DR1: variants seen among roughly 807,000 people sequenced by gnomAD.
The protein encoded by DR1 is protein Dr1.
Under a neutral mutation model 19.9 loss-of-function variants are expected in DR1, and 7 were observed. That is an observed-to-expected ratio of 0.35 (90% confidence interval 0.20 to 0.66). The LOEUF (loss-of-function observed/expected upper bound fraction) is 0.66. DR1 is among the 30% of genes least tolerant of loss of function. The pLI, the probability that DR1 is intolerant of heterozygous loss-of-function variation, is 0.66. For missense variants in DR1, 98 were observed against 203.7 expected (o/e 0.48, Z 3.16); for synonymous variants, 76 against 72.5 (o/e 1.05, Z -0.24).
At chr1:93,357,220 C>A (rs375489931) in intron 2 of DR1, among the ~76,000 whole-genome samples, 72 of 152,218 alleles carry the variant, frequency 4.7e-4, no homozygotes, top group South Asian at 2.3e-3. Context: ...TAAAAGTTGT[C>A]TTATCCTTGT....
chr1:93,350,945 A>G (rs771200060), intron 1 of DR1, among the ~76,000 whole-genome samples: 1 of 152,244 alleles, frequency 6.6e-6, no homozygotes, highest in Non-Finnish European at 1.5e-5. Flanking sequence ...TCTGCCAGAA[A>G]AAGTATCACA....
In DR1 at chr1:93,362,931, C is replaced by T. The variant is rs753738111; in HGVS notation, c.*2292C>T. The T allele has an allele frequency of 4.4e-5, 6 of 137,862 alleles. No individual in the cohort carries two copies. The highest frequency in any genetic ancestry group is 6.1e-5 in the Non-Finnish European group (4 of 65,802). 8.5% of individuals were successfully genotyped at this position (137,862 alleles called of 1,614,324 possible). On this transcript the variant is annotated 3_prime_UTR_variant, in exon 3 of 3. Transcript: ENST00000370272. Reference sequence around the variant, plus strand: ...TTGAAGAGAGAAACAAAATCTTCAGCGTTCTTGAGAAATAAAATTATTGTT... The same window carrying T: ...TTGAAGAGAGAAACAAAATCTTCAGTGTTCTTGAGAAATAAAATTATTGTT...
intron 2 of DR1, 27 bp from the exon 3 acceptor site, chr1:93,360,466 A>T (rs751455493): frequency 1.3e-6 from 2 of 1,520,674 alleles, no homozygotes; most frequent in Middle Eastern, 1.7e-4. Context: ...AAAAATTGTT[A>T]TTTTTTTTTA....
Position 93,346,371 on chromosome 1 carries a change from C to T in DR1, c.-275C>T. The T allele has an allele frequency of 1.1e-5, 5 of 454,900 alleles. No homozygotes were observed. Among genetic ancestry groups the T allele is most frequent in the Non-Finnish European group, 2.0e-5 (5 of 247,686 alleles). The allele number at this position is 454,900 out of a possible 1,614,324, so 28.2% of individuals were successfully genotyped here. A position where few individuals can be genotyped will look rare whatever the true frequency, so the allele number is the denominator to read the frequency against. On this transcript the variant is annotated 5_prime_UTR_variant, in exon 1 of 3. Coordinates refer to ENST00000370272, the MANE Select transcript of DR1 (RefSeq NM_001938.3). ...GGTGGTTCCCCAGCCGCTCAAATTTCCGGACCACCGCGCTTTCCCCTCCTC... is the reference window on the plus strand; with the variant it reads ...GGTGGTTCCCCAGCCGCTCAAATTTTCGGACCACCGCGCTTTCCCCTCCTC...
At chr1:93,359,238 T>C (rs915344164) in intron 2 of DR1, among the ~76,000 whole-genome samples, 1 of 152,214 alleles carries the variant, frequency 6.6e-6, no homozygotes, top group Non-Finnish European at 1.5e-5. Flanking sequence ...GAGTGAGGAT[T>C]GTACATGGTA....
rs1371700070 is a variant in DR1 at position 93,361,966 on chromosome 1, C to T, written c.*1327C>T. 1 of 152,468 alleles carries T rather than the reference C, an allele frequency of 6.6e-6. No individual in the cohort carries two copies. Among genetic ancestry groups the T allele is most frequent in the Non-Finnish European group, 1.5e-5 (1 of 67,918 alleles). The allele number at this position is 152,468 out of a possible 1,614,324, so 9.4% of individuals were successfully genotyped here. On this transcript the variant is annotated 3_prime_UTR_variant, in exon 3 of 3. Transcript: ENST00000370272. ...TATTTTGGAAACAGAAAGGAAAAGTCACTTAAGATAGTATTAAGTAATTAA... is the reference window on the plus strand; with the variant it reads ...TATTTTGGAAACAGAAAGGAAAAGTTACTTAAGATAGTATTAAGTAATTAA...
intron 2 of DR1, among the ~76,000 whole-genome samples, chr1:93,358,468 C>T (rs975806539): frequency 5.9e-5 from 9 of 152,244 alleles, no homozygotes; most frequent in African/African-American, 2.2e-4. Context: ...AGACTGAACG[C>T]GGTTTGCATT....
chr1:93,363,269 T>C lies in DR1; in HGVS notation c.*2630T>C, dbSNP rs189637185. The C allele has an allele frequency of 6.6e-6, 1 of 152,226 alleles. No homozygotes were observed. Among genetic ancestry groups the C allele is most frequent in the Non-Finnish European group, 1.5e-5 (1 of 68,040 alleles). 9.4% of individuals were successfully genotyped at this position (152,226 alleles called of 1,614,324 possible). ...AGTTTTGCCTGTTTTTTATTTTATG[T>C]AAATGTAATCATACATAATACACTT... is the stretch of plus-strand genomic sequence containing the variant. On this transcript the variant is annotated 3_prime_UTR_variant, in exon 3 of 3. Transcript: ENST00000370272.
At position 93,353,757 on chromosome 1, in the gene DR1, T is replaced by C. The variant is rs180679741; in HGVS notation, c.221-151T>C. ...TATTTGTCTTGGCTGCCCAGACAGT[T>C]GTTGTACAACTATAAAATAGGTAAA... On this transcript the variant is annotated intron_variant, in intron 1 of 2. Transcript: ENST00000370272. 5.1e-3 allele frequency: 2,720 copies of C among 532,878 alleles called. 17 individuals are homozygous for C. Among genetic ancestry groups the C allele is most frequent in the Middle Eastern group, 0.03 (56 of 1,844 alleles). The allele number at this position is 532,878 out of a possible 1,614,324, so 33.0% of individuals were successfully genotyped here. A position where few individuals can be genotyped will look rare whatever the true frequency, so the allele number is the denominator to read the frequency against.
At chr1:93,357,877 A>G (rs1334961492) in intron 2 of DR1, among the ~76,000 whole-genome samples, 2 of 152,200 alleles carry the variant, frequency 1.3e-5, no homozygotes, top group South Asian at 2.1e-4. Flanking sequence ...TATGTAAGAC[A>G]TATGTGGTAC....
intron 2 of DR1, among the ~76,000 whole-genome samples, chr1:93,357,071 T>C (rs1316161287): frequency 6.6e-6 from 1 of 152,198 alleles, no homozygotes; most frequent in African/African-American, 2.4e-5. Flanking sequence ...ACTCTGGATA[T>C]TCCTGCCGTA....
intron 2 of DR1, among the ~76,000 whole-genome samples, chr1:93,356,746 G>A (rs140343368): frequency 0.015 from 2,275 of 148,592 alleles, 30 homozygotes; most frequent in Non-Finnish European, 0.024. Flanking sequence ...TTTTGAGATG[G>A]AGTCTTGCTC....
intron 2 of DR1, among the ~76,000 whole-genome samples, chr1:93,358,052 T>A (rs1667011528): frequency 1.3e-5 from 2 of 152,122 alleles, no homozygotes; most frequent in Admixed American, 1.3e-4. Context: ...GGTGGGAGAA[T>A]CACTTGAGCC....
chr1:93,358,602 T>C, intron 2 of DR1, among the ~76,000 whole-genome samples: 1 of 152,214 alleles, frequency 6.6e-6, no homozygotes, highest in Admixed American at 6.5e-5. Context: ...ATGCCCATTC[T>C]TCCGAGGCCT....
intron 2 of DR1, among the ~76,000 whole-genome samples, chr1:93,358,928 A>G (rs1437617451): frequency 6.6e-6 from 1 of 152,220 alleles, no homozygotes; most frequent in East Asian, 1.9e-4. Context: ...AGTAAGTGGC[A>G]GGAAATTTCA....
rs1667180747 is a variant in DR1 at position 93,367,453 on chromosome 1, TGGGTAGCTG to T, written c.*6816_*6824del. 6.6e-6 allele frequency: 1 copy of T among 152,190 alleles called. No homozygotes were observed. The highest frequency in any genetic ancestry group is 1.5e-5 in the Non-Finnish European group (1 of 68,032). The allele number at this position is 152,190 out of a possible 1,614,324, so 9.4% of individuals were successfully genotyped here. ...ACCTGCTTATTTCAGTTCAGTGTCT[TGGGTAGCTG>T]GAGCCTATCCCAGCAGCTCAGGGAG... On this transcript the variant is annotated 3_prime_UTR_variant, in exon 3 of 3. Coordinates refer to ENST00000370272, the MANE Select transcript of DR1 (RefSeq NM_001938.3).
intron 1 of DR1, among the ~76,000 whole-genome samples, chr1:93,352,230 G>A (rs1666920979): frequency 6.6e-6 from 1 of 152,098 alleles, no homozygotes; most frequent in South Asian, 2.1e-4. Flanking sequence ...CCACCACGCC[G>A]GCCAATTTTT....
At chr1:93,356,463 G>A (rs577746921) in intron 2 of DR1, among the ~76,000 whole-genome samples, 3 of 152,100 alleles carry the variant, frequency 2.0e-5, no homozygotes, top group Admixed American at 6.5e-5. Context: ...AAGTATCAGC[G>A]CTGATACAGG....
At position 93,346,417 on chromosome 1, in the gene DR1, T is replaced by C; in HGVS notation, c.-229T>C. 2 of 557,538 alleles carry C rather than the reference T, an allele frequency of 3.6e-6. No individual in the cohort carries two copies. The highest frequency in any genetic ancestry group is 6.4e-6 in the Non-Finnish European group (2 of 311,204). The allele number at this position is 557,538 out of a possible 1,614,324, so 34.5% of individuals were successfully genotyped here. A position where few individuals can be genotyped will look rare whatever the true frequency, so the allele number is the denominator to read the frequency against. ...TCCTCAGCCTGGGCTGTGCTCTCTC[T>C]AGAATCCTCGGGCCCCCACTTTCTT... On this transcript the variant is annotated 5_prime_UTR_variant, in exon 1 of 3. Transcript: ENST00000370272.
Sources: allele counts gnomAD v4.1 joint callset (sites outside exome capture counted in the v4.1 genomes callset), GRCh38; gene constraint gnomAD v4.1.1; transcripts MANE v1.5; gene names NCBI Gene and HGNC (gene_info 2026-07-23, HGNC 2026-07-21).